GAD2: variants seen among roughly 807,000 people sequenced by gnomAD.
The protein encoded by GAD2 is glutamate decarboxylase 2.
GAD2 carries 22 observed loss-of-function variants against 80.1 expected under a neutral mutation model. The observed-to-expected ratio is 0.27, with a 90% CI of 0.20 to 0.39. The LOEUF is 0.39. GAD2 is among the 10% of genes least tolerant of loss of function. GAD2 has a pLI of 1.00. For missense variants in GAD2, 624 were observed against 738.4 expected (o/e 0.85, Z 1.80); for synonymous variants, 274 against 256.9 (o/e 1.07, Z -0.64).
intron 8 of GAD2, among the ~76,000 whole-genome samples, chr10:26,251,056 C>CTTTTTTTTTTTTTTTG (rs1844875196): frequency 8.3e-6 from 1 of 119,854 alleles, no homozygotes; most frequent in Non-Finnish European, 1.7e-5. Context: ...TTTTTTTTTG[C>CTTTTTTTTTTTTTTTG]TTTTTTTTTT....
intron 4 of GAD2, among the ~76,000 whole-genome samples, chr10:26,221,389 G>T (rs1844450148): frequency 6.6e-6 from 1 of 152,216 alleles, no homozygotes. Context: ...TCTGTAAAAA[G>T]AAATGTTGGA....
In GAD2 at chr10:26,229,804, T is replaced by C. The variant is rs755300576; in HGVS notation, c.840+27T>C. The C allele has an allele frequency of 4.6e-6, 7 of 1,526,646 alleles. No individual in the cohort carries two copies. In the Admixed American group the frequency reaches 1.0e-4, roughly 22 times the overall value. The allele number at this position is 1,526,646 out of a possible 1,614,324, so 94.6% of individuals were successfully genotyped here. A position where few individuals can be genotyped will look rare whatever the true frequency, so the allele number is the denominator to read the frequency against. On this transcript the variant is annotated intron_variant, in intron 7 of 15. Coordinates refer to ENST00000376261, the MANE Select transcript of GAD2 (RefSeq NM_001134366.2). ...TATGTGTTTCTTTTCCTTGCAAGTT[T>C]AAGGTTATGTTCCATAAAGCCCGAG... is the stretch of plus-strand genomic sequence containing the variant.
In GAD2 at chr10:26,216,904, G is replaced by A. The variant is rs372111985; in HGVS notation, c.76+19G>A. On this transcript the variant is annotated intron_variant, in intron 1 of 15. Coordinates refer to ENST00000376261, the MANE Select transcript of GAD2 (RefSeq NM_001134366.2). The surrounding 1 kb of genome is among the most constrained non-coding windows in gnomAD (Gnocchi z 4.7). ...GGCACAGGTAGGAAGGAGAACGGGG[G>A]CCTGCGGCGGGCGAGTTTTGCGGTG... is the stretch of plus-strand genomic sequence containing the variant. The A allele has an allele frequency of 1.9e-5, 30 of 1,599,444 alleles. No individual in the cohort carries two copies. Among genetic ancestry groups the A allele is most frequent in the Non-Finnish European group, 2.2e-5 (26 of 1,171,426 alleles).
chr10:26,283,220 G>A (rs773367557), intron 12 of GAD2, among the ~76,000 whole-genome samples: 10 of 152,244 alleles, frequency 6.6e-5, no homozygotes, highest in Non-Finnish European at 1.5e-4. Flanking sequence ...AATATTCACG[G>A]ACTGTTTGAG....
In GAD2 at chr10:26,301,064, A is replaced by G. The variant is rs1834325007; in HGVS notation, c.*103A>G. On this transcript the variant is annotated 3_prime_UTR_variant, in exon 16 of 16. Transcript: ENST00000376261. ...TTTGTTCCAAAGTAAATCTATTTCT[A>G]TATTGTGGTGTCAAAGTAGAGTTTA... 1 of 997,240 alleles carries G rather than the reference A, an allele frequency of 1.0e-6. No homozygotes were observed. The highest frequency in any genetic ancestry group is 1.5e-6 in the Non-Finnish European group (1 of 663,668). The allele number at this position is 997,240 out of a possible 1,614,324, so 61.8% of individuals were successfully genotyped here.
intron 8 of GAD2, among the ~76,000 whole-genome samples, chr10:26,261,373 T>A (rs1394068774): frequency 6.6e-6 from 1 of 152,226 alleles, no homozygotes; most frequent in Non-Finnish European, 1.5e-5. Context: ...ATTTTCTTCT[T>A]CCTTCCCTCC....
chr10:26,227,055 C>G (rs550205056), intron 6 of GAD2, among the ~76,000 whole-genome samples: 4 of 152,172 alleles, frequency 2.6e-5, no homozygotes, highest in African/African-American at 7.2e-5. Context: ...TGCAGTGGCA[C>G]GATCTCAGCT....
At chr10:26,273,242 G>T (rs945741287) in intron 10 of GAD2, among the ~76,000 whole-genome samples, 5 of 152,238 alleles carry the variant, frequency 3.3e-5, no homozygotes, top group Non-Finnish European at 5.9e-5. Context: ...CTTGTCAAAA[G>T]AGTTTTCCCT....
chr10:26,292,085 T>TG lies in GAD2; in HGVS notation c.1387-374dup, dbSNP rs1294293846. Among the ~76,000 whole-genome samples, 141 of 152,272 alleles carry TG rather than the reference T, an allele frequency of 9.3e-4. 1 individual carries two copies. Among genetic ancestry groups the TG allele is most frequent in the Non-Finnish European group, 2.2e-4 (15 of 68,024 alleles). On this transcript the variant is annotated intron_variant, in intron 13 of 15. Transcript: ENST00000376261. The stretch of plus-strand genomic sequence containing the variant: ...TTGGAGGGGAACTAAGCAGGCATTC[T>TG]GGGGGGTCTCTGGTGATGCTTTTTA...
At position 26,273,765 on chromosome 10, in the gene GAD2, A is replaced by G. The variant is rs150963278; in HGVS notation, c.1157+65A>G. Reference sequence around the variant, plus strand: ...AAGCTAACTGTGAAACACAAATTACAGTCAATTTCCAGGAACTTTTGGAAT... The same window carrying G: ...AAGCTAACTGTGAAACACAAATTACGGTCAATTTCCAGGAACTTTTGGAAT... On this transcript the variant is annotated intron_variant, in intron 11 of 15. Transcript: ENST00000376261. 8.0e-5 allele frequency: 112 copies of G among 1,403,080 alleles called. No individual in the cohort carries two copies. The African/African-American group carries it at 1.3e-3, about 17-fold the overall frequency. The allele number at this position is 1,403,080 out of a possible 1,614,324, so 86.9% of individuals were successfully genotyped here. A position where few individuals can be genotyped will look rare whatever the true frequency, so the allele number is the denominator to read the frequency against.
chr10:26,222,886 A>G (rs1432891874), intron 4 of GAD2, among the ~76,000 whole-genome samples: 1 of 152,236 alleles, frequency 6.6e-6, no homozygotes, highest in Non-Finnish European at 1.5e-5. Context: ...GATGTCCAGG[A>G]TGTGGAAGAT....
rs369198504 is a variant in GAD2, at chr10:26,217,906, C to A, written c.201C>A (p.Ala67=). 1 of 1,610,168 alleles carries A rather than the reference C, an allele frequency of 6.2e-7. No homozygotes were observed. The highest frequency in any genetic ancestry group is 8.5e-7 in the Non-Finnish European group (1 of 1,178,548). The change falls in exon 3 of 16, where the codon GCC becomes GCA. Residue 67 remains alanine, a synonymous_variant. Coordinates refer to ENST00000376261, the MANE Select transcript of GAD2 (RefSeq NM_001134366.2). The surrounding 1 kb of genome is among the most constrained non-coding windows in gnomAD (Gnocchi z 4.9). ...ESGGSQPPRA[A]ARKAACACDQ... ...GCGGGAGCCAACCCCCGCGGGCCGC[C>A]GCCCGGAAGGCCGCCTGCGCCTGCG...
chr10:26,235,208 C>T (rs1005386462), intron 7 of GAD2, among the ~76,000 whole-genome samples: 8 of 152,300 alleles, frequency 5.3e-5, no homozygotes, highest in Admixed American at 1.3e-4. Flanking sequence ...TCCTGATCTA[C>T]TGAACCAGGT....
intron 8 of GAD2, among the ~76,000 whole-genome samples, chr10:26,252,031 T>G (rs1244049609): frequency 1.3e-5 from 2 of 152,206 alleles, no homozygotes; most frequent in Non-Finnish European, 2.9e-5. Context: ...AGATGTACAG[T>G]TCAGAACACC....
intron 7 of GAD2, among the ~76,000 whole-genome samples, chr10:26,232,081 C>A (rs1191921489): frequency 6.6e-6 from 1 of 152,182 alleles, no homozygotes; most frequent in Non-Finnish European, 1.5e-5. Context: ...CTACCTAGTA[C>A]CCCACCAGGA....
chr10:26,255,828 C>G (rs1457353377), intron 8 of GAD2, among the ~76,000 whole-genome samples: 2 of 150,690 alleles, frequency 1.3e-5, no homozygotes, highest in Non-Finnish European at 1.5e-5. Flanking sequence ...GAAATTATTT[C>G]AAATCCTAAA....
intron 15 of GAD2, among the ~76,000 whole-genome samples, chr10:26,294,093 C>T (rs560007797): frequency 1.3e-3 from 202 of 152,272 alleles, no homozygotes; most frequent in Non-Finnish European, 2.4e-3. Context: ...CAGGACCTGT[C>T]CCCCATTCGA....
chr10:26,286,561 A>G (rs893336454), intron 13 of GAD2, 67 bp downstream of exon 13: 15 of 1,432,176 alleles, frequency 1.0e-5, no homozygotes, highest in Middle Eastern at 1.8e-4. Flanking sequence ...CCCCATTATG[A>G]AATGTCAAAA....
chr10:26,276,382 TTTTA>T (rs1253288585), intron 11 of GAD2, among the ~76,000 whole-genome samples: 2 of 151,962 alleles, frequency 1.3e-5, no homozygotes, highest in Non-Finnish European at 2.9e-5. Flanking sequence ...TTATTTTTAT[TTTTA>T]TTTATTTATT....
Sources: gnomAD v4.1 joint callset for allele counts (sites outside exome capture counted in the v4.1 genomes callset) on GRCh38, gnomAD v4.1.1 for gene constraint, Gnocchi (gnomAD v3.1) non-coding constraint, MANE v1.5 for transcripts, NCBI Gene and HGNC (gene_info 2026-07-23, HGNC 2026-07-21) for gene names.